Variants in IQCK observed in about 807,000 individuals in gnomAD.
The protein encoded by IQCK is IQ domain-containing protein K.
IQCK carries 29 observed loss-of-function variants against 28.1 expected under a neutral mutation model. That is an observed-to-expected ratio of 1.03 (90% CI 0.77 to 1.41). The LOEUF is 1.41. Among genes scored for constraint, IQCK ranks in the 40% most tolerant of loss-of-function variants. The pLI, the probability that IQCK is intolerant of heterozygous loss-of-function variation, is 0.00. For missense variants in IQCK, 359 were observed against 314.7 expected, an observed-to-expected ratio of 1.14 and a Z score of -1.07; for synonymous variants, 113 against 115.1, an observed-to-expected ratio of 0.98 and a Z score of 0.12.
chr16:19,735,695 GC>G (rs1977992292), intron 4 of IQCK: 1 of 483,522 alleles, frequency 2.1e-6, no homozygotes, highest in Non-Finnish European at 3.8e-6. Context: ...CCTCCTGCCT[GC>G]CCTTCTCCTG....
chr16:19,728,790 T>C (rs985203542), intron 1 of IQCK, among the ~76,000 whole-genome samples: 3 of 152,216 alleles, frequency 2.0e-5, no homozygotes, highest in Non-Finnish European at 4.4e-5. Flanking sequence ...ACAGTTGGTA[T>C]TGAGAAATAA....
intron 9 of IQCK, among the ~76,000 whole-genome samples, chr16:19,834,077 A>T (rs1291491547): frequency 2.0e-5 from 3 of 152,058 alleles, no homozygotes; most frequent in Non-Finnish European, 2.9e-5. Flanking sequence ...AATGAGCAAG[A>T]CCTCATCTCA....
At chr16:19,718,676 G>T (rs980421411) in intron 1 of IQCK, among the ~76,000 whole-genome samples, 189 bp downstream of exon 1, 4 of 152,240 alleles carry the variant, frequency 2.6e-5, no homozygotes, top group Non-Finnish European at 5.9e-5. Context: ...AGGTTACGCA[G>T]CGCGGACTCC....
At chr16:19,834,204 G>A (rs13332287) in intron 9 of IQCK, among the ~76,000 whole-genome samples, 6,489 of 152,270 alleles carry the variant, frequency 0.043, 458 homozygotes, top group African/African-American at 0.15. Context: ...AGCTACGAGC[G>A]ATGGAGCTTA....
At chr16:19,731,202 G>A (rs1038842692) in intron 2 of IQCK, among the ~76,000 whole-genome samples, 3 of 152,188 alleles carry the variant, frequency 2.0e-5, no homozygotes, top group South Asian at 2.1e-4. Context: ...ACAAGATGAA[G>A]ACTGTGCTAA....
At chr16:19,827,917 C>CTTTT (rs879855746), downstream of IQCK, among the ~76,000 whole-genome samples, 1 of 146,452 alleles carries the variant, frequency 6.8e-6, no homozygotes, top group African/African-American at 2.5e-5. Context: ...CCGATATCTT[C>CTTTT]TTTTTTTTTT....
At chr16:19,766,257 G>GTCCCCCC (rs2055235878) in intron 6 of IQCK, among the ~76,000 whole-genome samples, 1 of 152,252 alleles carries the variant, frequency 6.6e-6, no homozygotes, top group South Asian at 2.1e-4. Flanking sequence ...AATAAAGTAT[G>GTCCCCCC]GCCCTGGCCC....
At chr16:19,840,453 T>C (rs1325792307) in intron 9 of IQCK, among the ~76,000 whole-genome samples, 1 of 152,162 alleles carries the variant, frequency 6.6e-6, no homozygotes, top group Non-Finnish European at 1.5e-5. Context: ...ATGCAGGCGA[T>C]TGATGAGTTG....
At chr16:19,721,269 C>T (rs969341362) in intron 1 of IQCK, among the ~76,000 whole-genome samples, 1 of 152,140 alleles carries the variant, frequency 6.6e-6, no homozygotes, top group Non-Finnish European at 1.5e-5. Flanking sequence ...AGCAAACAGA[C>T]CTGCCAGAAA....
chr16:19,775,866 CTTTTTTTTTTTTTTTTT>C (rs570530152), intron 6 of IQCK, among the ~76,000 whole-genome samples: 16 of 37,724 alleles, frequency 4.2e-4, no homozygotes, highest in East Asian at 4.2e-3. Flanking sequence ...TGGGCACAGG[CTTTTTTTTTTTTTTTTT>C]TTTTTTTTTT....
intron 4 of IQCK, among the ~76,000 whole-genome samples, chr16:19,740,941 C>A (rs1168742100): frequency 6.6e-6 from 1 of 150,474 alleles, no homozygotes; most frequent in East Asian, 2.0e-4. Flanking sequence ...GCACTCCAGC[C>A]TGGGCAACAG....
intron 9 of IQCK, 128 bp from the exon 9 acceptor site, chr16:19,856,359 G>A: frequency 1.4e-6 from 1 of 697,238 alleles, no homozygotes. Flanking sequence ...CCGGAACCAT[G>A]AATAGCAGGC....
At chr16:19,832,953 C>A (rs2056251435) in intron 9 of IQCK, among the ~76,000 whole-genome samples, 1 of 152,144 alleles carries the variant, frequency 6.6e-6, no homozygotes, top group African/African-American at 2.4e-5. Flanking sequence ...CCACCAGATC[C>A]CTCCTTCCAC....
At chr16:19,739,728 T>A (rs1488962286) in intron 4 of IQCK, among the ~76,000 whole-genome samples, 2 of 152,014 alleles carry the variant, frequency 1.3e-5, no homozygotes, top group African/African-American at 4.8e-5. Flanking sequence ...GGTGGGAGAA[T>A]CACTTGAACC....
At chr16:19,776,815 A>G (rs1469521353) in intron 6 of IQCK, among the ~76,000 whole-genome samples, 1 of 152,174 alleles carries the variant, frequency 6.6e-6, no homozygotes, top group Non-Finnish European at 1.5e-5. Context: ...ATGATGTCAT[A>G]TCTCCCGTCG....
At chr16:19,750,809 G>A (rs1256231100) in intron 4 of IQCK, among the ~76,000 whole-genome samples, 7 of 152,060 alleles carry the variant, frequency 4.6e-5, no homozygotes, top group Non-Finnish European at 7.4e-5. Flanking sequence ...TAAGTGCCTG[G>A]CACAGCTACA....
chr16:19,747,505 T>A (rs1432759401), intron 4 of IQCK, among the ~76,000 whole-genome samples: 1 of 151,806 alleles, frequency 6.6e-6, no homozygotes, highest in Non-Finnish European at 1.5e-5. Context: ...TTTTTTTTTT[T>A]AAGTAAATGT....
chr16:19,748,355 A>G (rs938154814), intron 4 of IQCK, among the ~76,000 whole-genome samples: 4 of 152,116 alleles, frequency 2.6e-5, no homozygotes, highest in Non-Finnish European at 5.9e-5. Flanking sequence ...AATTACAGGC[A>G]TGAGACACCG....
intron 4 of IQCK, among the ~76,000 whole-genome samples, chr16:19,754,053 C>G (rs1375378669): frequency 1.3e-5 from 2 of 152,084 alleles, no homozygotes; most frequent in Admixed American, 1.3e-4. Flanking sequence ...CAGATTGGCT[C>G]AGGTCTAGGT....
Sources: gnomAD v4.1 joint callset for allele counts (sites outside exome capture counted in the v4.1 genomes callset) on GRCh38, gnomAD v4.1.1 for gene constraint, MANE v1.5 for transcripts, NCBI Gene and HGNC (gene_info 2026-07-23, HGNC 2026-07-21) for gene names.